Variants in FBN1 observed in about 807,000 individuals in gnomAD.
The protein encoded by FBN1 is fibrillin-1.
FBN1 carries 29 observed loss-of-function variants against 365.1 expected under a neutral mutation model. That is an observed-to-expected ratio of 0.08 (90% confidence interval 0.06 to 0.11). The LOEUF (loss-of-function observed/expected upper bound fraction) is 0.11, where lower values mean the gene tolerates loss of function less well. Among genes scored for constraint, FBN1 ranks in the 10% least tolerant of loss-of-function variants. The pLI is 1.00. For missense variants in FBN1, 2,476 were observed against 3,703.2 expected, an observed-to-expected ratio of 0.67 and a Z score of 8.60; for synonymous variants, 1,210 against 1,270.5, an observed-to-expected ratio of 0.95 and a Z score of 1.01.
rs763595358 is a variant in FBN1, at chr15:48,514,618, C to T, written c.1468+769G>A. On this transcript the variant is annotated intron_variant, in intron 12 of 65. Coordinates refer to ENST00000316623, the MANE Select transcript of FBN1 (RefSeq NM_000138.5). ...CCCTTCACCAGCTTAAATGCCTCATCAGCAATTTAAACTTTCTTTCTTCCA... is the reference window on the plus strand; with the variant it reads ...CCCTTCACCAGCTTAAATGCCTCATTAGCAATTTAAACTTTCTTTCTTCCA... Among the ~76,000 whole-genome samples the T allele has an allele frequency of 3.9e-5, 6 of 152,242 alleles. No homozygotes were observed. The East Asian group carries it at 1.2e-3, about 29-fold the overall frequency.
chr15:48,543,425 G>T (rs2044073511), intron 6 of FBN1, among the ~76,000 whole-genome samples: 1 of 152,138 alleles, frequency 6.6e-6, no homozygotes, highest in Admixed American at 6.6e-5. Flanking sequence ...CTATCACGGA[G>T]ATCGTCTGAA....
chr15:48,492,681 C>A, intron 23 of FBN1, 95 bp from the exon 24 acceptor site: 10 of 1,072,276 alleles, frequency 9.3e-6, no homozygotes, highest in Non-Finnish European at 1.4e-5. Flanking sequence ...CCATTTTGAA[C>A]CTGGTAAGTT....
intron 61 of FBN1, 116 bp downstream of exon 61, chr15:48,421,836 G>A: frequency 4.3e-6 from 5 of 1,157,514 alleles, no homozygotes; most frequent in Non-Finnish European, 6.4e-6. Context: ...ACACATACAT[G>A]CACTCATATA....
intron 48 of FBN1, among the ~76,000 whole-genome samples, chr15:48,445,150 A>G (rs896652198): frequency 3.7e-5 from 4 of 108,742 alleles, no homozygotes; most frequent in African/African-American, 1.6e-4. Flanking sequence ...ACACACATAT[A>G]TATATACATA....
intron 50 of FBN1, among the ~76,000 whole-genome samples, chr15:48,439,751 C>A (rs926528034): frequency 6.6e-6 from 1 of 151,836 alleles, no homozygotes; most frequent in African/African-American, 2.4e-5. Context: ...ACCACTCCAC[C>A]CCGAAAAAAA....
intron 2 of FBN1, among the ~76,000 whole-genome samples, chr15:48,624,295 CTA>C (rs921820001): frequency 1.3e-5 from 2 of 152,200 alleles, no homozygotes; most frequent in African/African-American, 2.4e-5. Context: ...ACTAAGAACA[CTA>C]AGTCTGCTTG....
At chr15:48,635,791 C>G (rs1329759130) in intron 2 of FBN1, among the ~76,000 whole-genome samples, 1 of 152,152 alleles carries the variant, frequency 6.6e-6, no homozygotes. Flanking sequence ...CATTTTATTC[C>G]TGACAGTTGT....
intron 36 of FBN1, among the ~76,000 whole-genome samples, chr15:48,470,186 C>T (rs1258938337): frequency 6.6e-6 from 1 of 152,062 alleles, no homozygotes; most frequent in South Asian, 2.1e-4. Context: ...AGATAGGTGG[C>T]TGAGCTCTGT....
At chr15:48,542,806 TG>T (rs2044067699) in intron 6 of FBN1, among the ~76,000 whole-genome samples, 1 of 151,208 alleles carries the variant, frequency 6.6e-6, no homozygotes, top group African/African-American at 2.4e-5. Flanking sequence ...TGTGTGTGTG[TG>T]TGTGTGTGTG....
intron 2 of FBN1, among the ~76,000 whole-genome samples, chr15:48,622,853 C>G (rs1388416513): frequency 6.6e-6 from 1 of 152,144 alleles, no homozygotes; most frequent in African/African-American, 2.4e-5. Flanking sequence ...GACACTTCCT[C>G]CATTTTTATA....
At chr15:48,624,537 A>C (rs1215170279) in intron 2 of FBN1, among the ~76,000 whole-genome samples, 2 of 152,250 alleles carry the variant, frequency 1.3e-5, no homozygotes, top group East Asian at 3.8e-4. Flanking sequence ...AGGATGAGGA[A>C]GCATTGCTTC....
At chr15:48,541,727 C>CAT in intron 6 of FBN1, among the ~76,000 whole-genome samples, 1 of 137,764 alleles carries the variant, frequency 7.3e-6, no homozygotes, top group African/African-American at 2.7e-5. Flanking sequence ...TTTACATACT[C>CAT]TTTTTTTTTT....
chr15:48,415,462 T>C, intron 64 of FBN1, 74 bp downstream of exon 64: 1 of 1,171,512 alleles, frequency 8.5e-7, no homozygotes, highest in Non-Finnish European at 1.3e-6. Context: ...GGACAGGTAA[T>C]TTTGAGTTCA....
At chr15:48,527,412 G>C (rs562001925) in intron 8 of FBN1, among the ~76,000 whole-genome samples, 1 of 152,308 alleles carries the variant, frequency 6.6e-6, no homozygotes, top group East Asian at 1.9e-4. Context: ...TAAACTCAGG[G>C]CACAGGGAAT....
At chr15:48,508,445 T>C (rs1175227735) in intron 15 of FBN1, 137 bp downstream of exon 15, 1 of 1,025,072 alleles carries the variant, frequency 9.8e-7, no homozygotes, top group Non-Finnish European at 1.5e-6. Flanking sequence ...TAAGAAGGAG[T>C]TTCAGTCAGG....
intron 32 of FBN1, 143 bp downstream of exon 32, chr15:48,481,512 A>G (rs983019686): frequency 2.7e-5 from 25 of 926,500 alleles, no homozygotes; most frequent in Non-Finnish European, 3.7e-5. Flanking sequence ...AAAGAAGTGG[A>G]AGCTAAATTA....
Position 48,599,777 on chromosome 15 carries a change from A to G in FBN1, c.442+362T>C, listed in dbSNP as rs141487548. 2.6e-3 allele frequency among the ~76,000 whole-genome samples: 392 copies of G among 152,300 alleles called. 2 individuals carry two copies. The highest frequency in any genetic ancestry group is 9.1e-3 in the African/African-American group (379 of 41,572). On this transcript the variant is annotated intron_variant, in intron 5 of 65. Coordinates refer to ENST00000316623, the MANE Select transcript of FBN1 (RefSeq NM_000138.5). ...GCTGAGTTTTGAAATACTTTATTTGAGATGCTTCCTGAAAATCCAAGTGTT... is the reference window on the plus strand; with the variant it reads ...GCTGAGTTTTGAAATACTTTATTTGGGATGCTTCCTGAAAATCCAAGTGTT...
At chr15:48,452,475 A>T in intron 45 of FBN1, 87 bp downstream of exon 45, 1 of 1,471,118 alleles carries the variant, frequency 6.8e-7, no homozygotes, top group Non-Finnish European at 9.5e-7. Flanking sequence ...TCTTCAGCTT[A>T]ACTATCTGAA....
intron 37 of FBN1, 70 bp from the exon 38 acceptor site, chr15:48,468,172 C>T (rs2141272631): frequency 6.4e-7 from 1 of 1,567,770 alleles, no homozygotes; most frequent in Middle Eastern, 1.7e-4. Flanking sequence ...TTCAAACCCA[C>T]TTCAGGAACT....
Sources: gnomAD v4.1 joint callset for allele counts (sites outside exome capture counted in the v4.1 genomes callset) on GRCh38, gnomAD v4.1.1 for gene constraint, MANE v1.5 for transcripts, NCBI Gene and HGNC (gene_info 2026-07-23, HGNC 2026-07-21) for gene names.